The following SLC24A3 variants were observed in gnomAD, a reference collection of about 807,000 sequenced individuals.
SLC24A3 encodes the protein sodium/potassium/calcium exchanger 3.
SLC24A3 carries 28 observed loss-of-function variants against 75.8 expected under a neutral mutation model. That is an observed-to-expected ratio of 0.37 (90% CI 0.27 to 0.51). The LOEUF (loss-of-function observed/expected upper bound fraction) is 0.51. SLC24A3 is among the 20% of genes least tolerant of loss of function. The pLI is 0.94. For missense variants in SLC24A3, 663 were observed against 847.8 expected (o/e 0.78, Z 2.71); for synonymous variants, 372 against 334.1 (o/e 1.11, Z -1.24).
intron 2 of SLC24A3, among the ~76,000 whole-genome samples, chr20:19,338,166 A>G (rs566333120): frequency 6.6e-6 from 1 of 152,360 alleles, no homozygotes; most frequent in East Asian, 1.9e-4. Context: ...AAGCTATTAA[A>G]TAAAGCTTTT....
intron 3 of SLC24A3, among the ~76,000 whole-genome samples, chr20:19,518,101 A>G (rs777550253): frequency 8.5e-5 from 13 of 152,208 alleles, no homozygotes; most frequent in African/African-American, 1.2e-4. Context: ...TCCATGTTGT[A>G]CAGCACATTT....
At chr20:19,331,294 G>A (rs1342790617) in intron 2 of SLC24A3, among the ~76,000 whole-genome samples, 5 of 152,122 alleles carry the variant, frequency 3.3e-5, no homozygotes, top group Non-Finnish European at 5.9e-5. Context: ...AAGGGTGAGG[G>A]GCAATGATGC....
At chr20:19,543,115 G>A (rs535272792) in intron 3 of SLC24A3, among the ~76,000 whole-genome samples, 1 of 152,170 alleles carries the variant, frequency 6.6e-6, no homozygotes, top group South Asian at 2.1e-4. Context: ...AATGAGCCAG[G>A]GAGGTTCATC....
intron 2 of SLC24A3, among the ~76,000 whole-genome samples, chr20:19,434,538 A>G (rs565086689): frequency 1.2e-4 from 18 of 151,902 alleles, no homozygotes; most frequent in African/African-American, 4.4e-4. Context: ...TTGGTGACAA[A>G]TGATTTTTTT....
intron 6 of SLC24A3, among the ~76,000 whole-genome samples, chr20:19,622,641 C>T (rs2031818602): frequency 6.6e-6 from 1 of 152,134 alleles, no homozygotes; most frequent in Non-Finnish European, 1.5e-5. Context: ...CTTAACATTC[C>T]AACCATGCTA....
At chr20:19,433,622 C>T (rs1250343762) in intron 2 of SLC24A3, among the ~76,000 whole-genome samples, 1 of 152,160 alleles carries the variant, frequency 6.6e-6, no homozygotes, top group Non-Finnish European at 1.5e-5. Flanking sequence ...TCAGTAGAGA[C>T]TCTCACTTTG....
At chr20:19,641,763 C>A (rs1408770651) in intron 6 of SLC24A3, among the ~76,000 whole-genome samples, 1 of 152,092 alleles carries the variant, frequency 6.6e-6, no homozygotes, top group Admixed American at 6.5e-5. Context: ...GGGGTGGGAC[C>A]CAGGCATGAG....
intron 2 of SLC24A3, among the ~76,000 whole-genome samples, chr20:19,485,479 T>G (rs1257260297): frequency 6.6e-6 from 1 of 152,234 alleles, no homozygotes; most frequent in Non-Finnish European, 1.5e-5. Flanking sequence ...GGAAAACACC[T>G]GCTAGGGCCT....
chr20:19,719,874 G>A (rs1568710664), intron 16 of SLC24A3, among the ~76,000 whole-genome samples: 1 of 152,178 alleles, frequency 6.6e-6, no homozygotes, highest in Non-Finnish European at 1.5e-5. Context: ...GCGAGTGTGG[G>A]TGGAATTGAA....
intron 2 of SLC24A3, among the ~76,000 whole-genome samples, chr20:19,333,541 T>A (rs963441993): frequency 2.6e-5 from 4 of 152,242 alleles, no homozygotes; most frequent in African/African-American, 9.6e-5. Flanking sequence ...AGAAACGAAA[T>A]TTTTTAAAAG....
intron 6 of SLC24A3, among the ~76,000 whole-genome samples, chr20:19,614,778 G>C (rs2031715019): frequency 6.6e-6 from 1 of 152,196 alleles, no homozygotes; most frequent in Non-Finnish European, 1.5e-5. Context: ...CTTTTCCTAA[G>C]TGGATCCTTG....
chr20:19,443,519 C>T (rs574904502), intron 2 of SLC24A3, among the ~76,000 whole-genome samples: 1 of 152,186 alleles, frequency 6.6e-6, no homozygotes, highest in East Asian at 1.9e-4. Flanking sequence ...GTAAATTAAC[C>T]TTGTATCCTA....
intron 3 of SLC24A3, among the ~76,000 whole-genome samples, chr20:19,529,715 A>T (rs2030261963): frequency 6.6e-6 from 1 of 152,268 alleles, no homozygotes; most frequent in South Asian, 2.1e-4. Context: ...CAGATAATCC[A>T]GGCTCATCCC....
At chr20:19,659,060 G>A (rs2032297701) in intron 7 of SLC24A3, among the ~76,000 whole-genome samples, 1 of 152,232 alleles carries the variant, frequency 6.6e-6, no homozygotes, top group Admixed American at 6.5e-5. Flanking sequence ...GTCTCTGCTG[G>A]AGGACGGGGA....
chr20:19,501,031 G>T (rs1305335295), intron 2 of SLC24A3, among the ~76,000 whole-genome samples: 2 of 152,110 alleles, frequency 1.3e-5, no homozygotes, highest in African/African-American at 4.8e-5. Context: ...CTTTTAATCT[G>T]TTTTCAACTC....
At chr20:19,249,067 C>T (rs955491224) in intron 1 of SLC24A3, among the ~76,000 whole-genome samples, 10 of 151,548 alleles carry the variant, frequency 6.6e-5, no homozygotes, top group Non-Finnish European at 8.8e-5. Flanking sequence ...TTTGAGATAA[C>T]GAATATGTGA....
At chr20:19,319,808 T>C (rs1984666662) in intron 2 of SLC24A3, among the ~76,000 whole-genome samples, 1 of 152,142 alleles carries the variant, frequency 6.6e-6, no homozygotes, top group Non-Finnish European at 1.5e-5. Flanking sequence ...AGCATCTTGG[T>C]ATTTTAACAG....
chr20:19,249,927 T>A (rs1457683287), intron 1 of SLC24A3, among the ~76,000 whole-genome samples: 1 of 152,264 alleles, frequency 6.6e-6, no homozygotes, highest in Non-Finnish European at 1.5e-5. Flanking sequence ...AGACTGCCTA[T>A]GCTCAGCATT....
intron 1 of SLC24A3, among the ~76,000 whole-genome samples, chr20:19,218,418 G>A (rs1334986550): frequency 6.6e-6 from 1 of 152,334 alleles, no homozygotes; most frequent in Non-Finnish European, 1.5e-5. Flanking sequence ...CATCAGGGCT[G>A]CATGCTGCTG....
Sources: gnomAD v4.1 joint callset for allele counts (sites outside exome capture counted in the v4.1 genomes callset) on GRCh38, gnomAD v4.1.1 for gene constraint, MANE v1.5 for transcripts, NCBI Gene and HGNC (gene_info 2026-07-23, HGNC 2026-07-21) for gene names.